The following HAUS7 variants were observed in gnomAD, a reference collection of about 807,000 sequenced individuals.
The protein encoded by HAUS7 is HAUS augmin-like complex subunit 7.
A neutral mutation model predicts 28.4 loss-of-function variants in HAUS7; 3 were observed. The observed-to-expected ratio is 0.11, with a 90% confidence interval of 0.05 to 0.27. HAUS7 has a LOEUF of 0.27. Among genes scored for constraint, HAUS7 ranks in the 10% least tolerant of loss-of-function variants. The pLI, the probability that HAUS7 is intolerant of heterozygous loss-of-function variation, is 1.00. For synonymous variants in HAUS7, 165 were observed against 132.1 expected, an observed-to-expected ratio of 1.25 and a Z score of -1.71; for missense variants, 284 against 297.3, an observed-to-expected ratio of 0.96 and a Z score of 0.33.
chrX:153,472,435 A>ACCACCCG (rs2089533551), upstream of HAUS7, among the ~76,000 whole-genome samples: 1 of 13,544 alleles, frequency 7.4e-5, no homozygotes, highest in Non-Finnish European at 1.6e-4. Context: ...CCCACCACCC[A>ACCACCCG]CCACCCACCA....
chrX:153,462,738 A>T, intron 3 of HAUS7, 67 bp from the exon 4 acceptor site: 1 of 864,987 alleles, frequency 1.2e-6, no homozygotes, highest in Non-Finnish European at 1.7e-6. Context: ...GCAGACACCC[A>T]GGAAGCCCAG....
At chrX:153,454,297 C>T (rs2089274014) in intron 9 of HAUS7, 97 bp downstream of exon 9, 9 of 514,097 alleles carry the variant, frequency 1.8e-5, no homozygotes, top group Non-Finnish European at 2.0e-5. Flanking sequence ...AAGAAGGGGC[C>T]GGTCCCCAAA....
intron 7 of HAUS7, 136 bp downstream of exon 7, chrX:153,456,129 G>A: frequency 2.0e-6 from 1 of 510,595 alleles, no homozygotes; most frequent in Non-Finnish European, 3.4e-6. Context: ...CCTCCCCGCG[G>A]ACTGAGCACC....
At chrX:153,467,629 A>C (rs1407301899) in intron 2 of HAUS7, among the ~76,000 whole-genome samples, 1 of 112,344 alleles carries the variant, frequency 8.9e-6, no homozygotes, top group Non-Finnish European at 1.9e-5. Context: ...AGTGCTGTGC[A>C]TCATTTCTGC....
chrX:153,478,959 C>G (rs2089580501), intron 1 of HAUS7, among the ~76,000 whole-genome samples: 2 of 112,317 alleles, frequency 1.8e-5, no homozygotes, highest in Admixed American at 1.9e-4. Flanking sequence ...CCAGAGCCAG[C>G]GGAGAATCAA....
chrX:153,493,407 G>T (rs782078973), intron 1 of HAUS7, among the ~76,000 whole-genome samples: 43 of 112,412 alleles, frequency 3.8e-4, no homozygotes, highest in Middle Eastern at 4.6e-3. Context: ...AGTTGGCAGT[G>T]GGGGAGGGAA....
At chrX:153,471,459 C>T (rs1349951121), upstream of HAUS7, among the ~76,000 whole-genome samples, 3 of 112,641 alleles carry the variant, frequency 2.7e-5, no homozygotes, top group African/African-American at 9.7e-5. Flanking sequence ...TCCCTCAGGA[C>T]CCTCAAACTC....
chrX:153,489,239 C>A, intron 1 of HAUS7, among the ~76,000 whole-genome samples: 1 of 112,457 alleles, frequency 8.9e-6, no homozygotes, highest in Non-Finnish European at 1.9e-5. Flanking sequence ...GAGGGCTGGT[C>A]AGAGTCTAGC....
intron 8 of HAUS7, chrX:153,455,327 C>A (rs2089291527): frequency 4.5e-6 from 2 of 444,978 alleles, no homozygotes; most frequent in Admixed American, 8.0e-5. Flanking sequence ...GTCCAAGGAC[C>A]AGAAGCAGCA....
intron 1 of HAUS7, chrX:153,480,584 G>A (rs1040275778): frequency 4.0e-6 from 3 of 753,890 alleles, no homozygotes; most frequent in Non-Finnish European, 4.7e-6. Context: ...CCGCAGGTCA[G>A]CTGCAGCCCA....
upstream of HAUS7, chrX:153,471,043 G>C (rs1419533646): frequency 3.1e-6 from 1 of 322,820 alleles, no homozygotes; most frequent in African/African-American, 2.6e-5. Flanking sequence ...GGGGCACCCT[G>C]GTTCCCAGGA....
intron 1 of HAUS7, chrX:153,495,158 C>T (rs782347040): frequency 9.0e-6 from 1 of 110,806 alleles, no homozygotes; most frequent in African/African-American, 3.3e-5. Flanking sequence ...CAGAGATGCC[C>T]CTGGCTCTGC....
intron 1 of HAUS7, among the ~76,000 whole-genome samples, chrX:153,493,024 AC>A (rs1201663608): frequency 8.9e-6 from 1 of 112,048 alleles, no homozygotes; most frequent in African/African-American, 3.2e-5. Flanking sequence ...AAACGGCTTT[AC>A]TGAGAGTGGC....
upstream of HAUS7, among the ~76,000 whole-genome samples, chrX:153,475,415 C>G (rs1556986087): frequency 9.1e-6 from 1 of 110,137 alleles, no homozygotes; most frequent in African/African-American, 3.3e-5. Context: ...CTCTCTCGCT[C>G]AGGATCACCA....
rs576734452 is a variant in HAUS7 at position 153,476,049 on chromosome X, C to T, written c.-588-4904G>A. On this transcript the variant is annotated intron_variant, in intron 1 of 5. Coordinates refer to the HAUS7 transcript ENST00000370210. Reference sequence around the variant, plus strand: ...CCCCACAGCCTGAGGGGGGCCGGATCCTGTGACTCCTCTGCTTAGCAGTCC... The same window carrying T: ...CCCCACAGCCTGAGGGGGGCCGGATTCTGTGACTCCTCTGCTTAGCAGTCC... 5.4e-5 allele frequency among the ~76,000 whole-genome samples: 6 copies of T among 112,026 alleles called. No homozygotes were observed. The South Asian group carries it at 1.9e-3, about 35-fold the overall frequency.
chrX:153,487,724 G>T (rs2089647736), intron 1 of HAUS7, among the ~76,000 whole-genome samples: 1 of 112,647 alleles, frequency 8.9e-6, no homozygotes, highest in South Asian at 3.6e-4. Context: ...ACCACCCCTG[G>T]CCAGAGTTTC....
rs1375025035 is a variant in HAUS7 at position 153,479,480 on chromosome X, G to A, written c.-588-8335C>T. 3 of 568,817 alleles carry A rather than the reference G, an allele frequency of 5.3e-6. No individual in the cohort carries two copies. In the African/African-American group the frequency reaches 7.5e-5, roughly 14 times the overall value. The allele number at this position is 568,817 out of a possible 1,213,427, so 46.9% of individuals were successfully genotyped here. A position where few individuals can be genotyped will look rare whatever the true frequency, so the allele number is the denominator to read the frequency against. On this transcript the variant is annotated intron_variant, in intron 1 of 5. Transcript: ENST00000370210. ...CAGGCAGGGCTGCAAAGGGCCCATG[G>A]CCCTGAGAGAGCCCTCCCTGGAGGG...
Position 153,470,543 on chromosome X carries a change from G to T in HAUS7, c.15C>A (p.Asp5Glu). The change falls in exon 1 of 10, where the codon GAC (aspartate) becomes GAA (glutamate). Residue 5 changes from aspartate (D) to glutamate (E), a missense_variant. Transcript: ENST00000370211. ...CGTCGCCGCCACGGCCGCAGCCAGC[G>T]TCCTGCCCCGCCATGTTTCGCGCTC... MAGQ[D>E]AGCGRGGDDY... is the part of the protein sequence containing the mutation. The T allele has an allele frequency of 4.2e-6, 5 of 1,188,937 alleles. No individual in the cohort carries two copies. The highest frequency in any genetic ancestry group is 1.9e-5 in the South Asian group (1 of 54,029).
chrX:153,459,797 C>T (rs112124167), intron 4 of HAUS7, among the ~76,000 whole-genome samples: 6,048 of 112,305 alleles, frequency 0.054, 370 homozygotes, highest in African/African-American at 0.17. Flanking sequence ...GGGAGGATTG[C>T]CTGAGCCCAG....
Sources: gnomAD v4.1 joint callset for allele counts (sites outside exome capture counted in the v4.1 genomes callset) on GRCh38, gnomAD v4.1.1 for gene constraint, MANE v1.5 for transcripts, NCBI Gene and HGNC (gene_info 2026-07-23, HGNC 2026-07-21) for gene names.